SH3RF1: variants seen among roughly 807,000 people sequenced by gnomAD.
SH3RF1 encodes the protein SH3 domain containing ring finger 1.
SH3RF1 carries 32 observed loss-of-function variants against 74.0 expected under a neutral mutation model. That is an observed-to-expected ratio of 0.43 (90% CI 0.33 to 0.58). The LOEUF (loss-of-function observed/expected upper bound fraction) is 0.58. Ranked by LOEUF, SH3RF1 falls within the 20% of genes least tolerant of loss-of-function variation. The pLI, the probability that SH3RF1 is intolerant of heterozygous loss-of-function variation, is 0.05. For synonymous variants in SH3RF1, 396 were observed against 439.6 expected (o/e 0.90, Z 1.24); for missense variants, 954 against 1,130.9 (o/e 0.84, Z 2.24).
chr4:169,133,784 G>A (rs558202511), intron 5 of SH3RF1, among the ~76,000 whole-genome samples: 1 of 152,062 alleles, frequency 6.6e-6, no homozygotes, highest in Non-Finnish European at 1.5e-5. Flanking sequence ...CAAAAAAAAA[G>A]AAAAGAAAAG....
chr4:169,240,468 G>A (rs1730890319), intron 2 of SH3RF1, among the ~76,000 whole-genome samples: 1 of 152,118 alleles, frequency 6.6e-6, no homozygotes, highest in East Asian at 1.9e-4. Context: ...AAAGCTCTGG[G>A]ATTACAGAGC....
At chr4:169,186,296 CAT>C (rs1259286440) in intron 2 of SH3RF1, among the ~76,000 whole-genome samples, 1 of 151,954 alleles carries the variant, frequency 6.6e-6, no homozygotes, top group African/African-American at 2.4e-5. Context: ...CCCCATGACA[CAT>C]GTTTACCTAT....
At chr4:169,158,888 T>G (rs1186554016) in intron 2 of SH3RF1, among the ~76,000 whole-genome samples, 1 of 152,212 alleles carries the variant, frequency 6.6e-6, no homozygotes. Flanking sequence ...AACATTTGTT[T>G]AGGAATATTA....
At chr4:169,113,243 T>C (rs1250668557) in intron 10 of SH3RF1, among the ~76,000 whole-genome samples, 4 of 152,224 alleles carry the variant, frequency 2.6e-5, no homozygotes, top group Admixed American at 6.5e-5. Context: ...CCTGAGTAGC[T>C]GGGATTACAG....
chr4:169,263,756 C>T (rs1731313753), intron 2 of SH3RF1, among the ~76,000 whole-genome samples: 1 of 152,188 alleles, frequency 6.6e-6, no homozygotes, highest in African/African-American at 2.4e-5. Context: ...TCTCCAGACT[C>T]CAGCTACAGA....
chr4:169,262,573 G>A (rs1175672425), intron 2 of SH3RF1, among the ~76,000 whole-genome samples: 3 of 152,030 alleles, frequency 2.0e-5, no homozygotes, highest in African/African-American at 7.2e-5. Context: ...AGGCTGAGGT[G>A]GGAGAATCGC....
intron 5 of SH3RF1, among the ~76,000 whole-genome samples, chr4:169,132,033 C>T (rs957890258): frequency 1.3e-5 from 2 of 152,236 alleles, no homozygotes; most frequent in Non-Finnish European, 2.9e-5. Flanking sequence ...GCTGCTCGGG[C>T]TGCTCCCACA....
At chr4:169,121,962 G>T in intron 7 of SH3RF1, 138 bp downstream of exon 7, 1 of 1,073,792 alleles carries the variant, frequency 9.3e-7, no homozygotes. Context: ...TGACCAGGTA[G>T]AAGTTTGCAG....
At chr4:169,253,264 A>C (rs896020873) in intron 2 of SH3RF1, among the ~76,000 whole-genome samples, 2 of 152,202 alleles carry the variant, frequency 1.3e-5, no homozygotes, top group African/African-American at 4.8e-5. Flanking sequence ...ATTCTTCTTA[A>C]TCCATAAGGA....
chr4:169,233,657 A>G (rs1305575031), intron 2 of SH3RF1, among the ~76,000 whole-genome samples: 2 of 152,200 alleles, frequency 1.3e-5, no homozygotes, highest in South Asian at 2.1e-4. Context: ...AAAAAATGGA[A>G]GTTATATTTG....
chr4:169,168,853 G>C (rs1561042975), intron 2 of SH3RF1, among the ~76,000 whole-genome samples: 1 of 152,178 alleles, frequency 6.6e-6, no homozygotes, highest in Non-Finnish European at 1.5e-5. Flanking sequence ...TTTCTTAGGG[G>C]TGGAATCTCA....
chr4:169,148,274 C>T (rs967587642), intron 4 of SH3RF1, among the ~76,000 whole-genome samples: 1 of 152,162 alleles, frequency 6.6e-6, no homozygotes, highest in South Asian at 2.1e-4. Context: ...GTGGAGGCCA[C>T]GATTCCTTTC....
intron 2 of SH3RF1, among the ~76,000 whole-genome samples, chr4:169,212,158 G>T (rs981760021): frequency 7.1e-6 from 1 of 140,364 alleles, no homozygotes; most frequent in Non-Finnish European, 1.5e-5. Context: ...CCCGCCTCCC[G>T]GGTTCAAGCG....
At chr4:169,136,228 C>A in intron 5 of SH3RF1, 90 bp downstream of exon 5, 1 of 1,261,092 alleles carries the variant, frequency 7.9e-7, no homozygotes, top group East Asian at 2.7e-5. Flanking sequence ...TCAAAATAAG[C>A]AATGTTTGTC....
At position 169,169,561 on chromosome 4, in the gene SH3RF1, C is replaced by T. The variant is rs189215807; in HGVS notation, c.394-12882G>A. ...GCAGTGAGCTGAGACTGCACCACTG[C>T]ACTCCAGCCTGGGCAACACAGCAAG... On this transcript the variant is annotated intron_variant, in intron 2 of 11. Coordinates refer to ENST00000284637, the MANE Select transcript of SH3RF1 (RefSeq NM_020870.4). Among the ~76,000 whole-genome samples the T allele has an allele frequency of 2.3e-3, 352 of 152,032 alleles. 1 individual carries two copies. Among genetic ancestry groups the T allele is most frequent in the Middle Eastern group, 6.8e-3 (2 of 294 alleles).
intron 11 of SH3RF1, among the ~76,000 whole-genome samples, chr4:169,104,123 TG>T (rs1393317013): frequency 6.6e-5 from 10 of 152,150 alleles, no homozygotes; most frequent in African/African-American, 2.2e-4. Context: ...TGAGGACATC[TG>T]GCAACTGAAA....
chr4:169,109,865 C>T (rs943045027), intron 10 of SH3RF1, among the ~76,000 whole-genome samples: 5 of 150,756 alleles, frequency 3.3e-5, no homozygotes, highest in Admixed American at 6.6e-5. Flanking sequence ...AAAAATTAGC[C>T]AGGTGTGGTG....
At chr4:169,230,418 A>G (rs1730717393) in intron 2 of SH3RF1, among the ~76,000 whole-genome samples, 1 of 152,246 alleles carries the variant, frequency 6.6e-6, no homozygotes, top group African/African-American at 2.4e-5. Context: ...AGAGTAATAA[A>G]TACTCAATTA....
chr4:169,162,840 A>G (rs1734171533), intron 2 of SH3RF1, among the ~76,000 whole-genome samples: 1 of 152,128 alleles, frequency 6.6e-6, no homozygotes, highest in South Asian at 2.1e-4. Flanking sequence ...ATGTGGGCTG[A>G]CCAAGGCCAG....
Sources: gnomAD v4.1 joint callset for allele counts (sites outside exome capture counted in the v4.1 genomes callset) on GRCh38, gnomAD v4.1.1 for gene constraint, MANE v1.5 for transcripts, NCBI Gene and HGNC (gene_info 2026-07-23, HGNC 2026-07-21) for gene names.